Variants in KIFAP3 observed in about 807,000 individuals in gnomAD.
KIFAP3 encodes kinesin-associated protein 3.
KIFAP3 carries 68 observed loss-of-function variants against 106.5 expected under a neutral mutation model. That is an observed-to-expected ratio of 0.64 (90% confidence interval 0.53 to 0.78). KIFAP3 has a LOEUF of 0.78. KIFAP3 is among the 30% of genes least tolerant of loss of function. The pLI is 0.00. For synonymous variants in KIFAP3, 320 were observed against 311.5 expected, an observed-to-expected ratio of 1.03 and a Z score of -0.29; for missense variants, 780 against 941.8, an observed-to-expected ratio of 0.83 and a Z score of 2.25.
At chr1:170,047,744 C>T (rs1056226230) in intron 2 of KIFAP3, among the ~76,000 whole-genome samples, 1 of 151,894 alleles carries the variant, frequency 6.6e-6, no homozygotes, top group African/African-American at 2.4e-5. Flanking sequence ...TAGCCAACAC[C>T]TCCCTCCTTT....
rs1665974057 is a variant in KIFAP3 at position 169,972,523 on chromosome 1, T to G, written c.1973A>C (p.Asp658Ala). ...EIRKVCDNTL[D>A]IIAEYDEEWA... ...AAAATAATTACTTACCGCTATAATATCTAATGTATTATCACAGACCTTTCG... is the reference window on the plus strand; with the variant it reads ...AAAATAATTACTTACCGCTATAATAGCTAATGTATTATCACAGACCTTTCG... Residue 658 changes from aspartate to alanine, a missense_variant, in exon 17 of 20, where the codon GAT (aspartate) becomes GCT (alanine). Physicochemically the swap from Asp to Ala is moderately radical, Grantham distance 126. This residue lies in a region of KIFAP3 where 78 missense variants were observed against 140.6 expected (regional missense o/e 0.55). Transcript: ENST00000361580. 1 of 1,407,034 alleles carries G rather than the reference T, an allele frequency of 7.1e-7. No individual in the cohort carries two copies. Among genetic ancestry groups the G allele is most frequent in the Non-Finnish European group, 1.0e-6 (1 of 996,880 alleles). 87.2% of individuals were successfully genotyped at this position (1,407,034 alleles called of 1,614,324 possible).
intron 1 of KIFAP3, among the ~76,000 whole-genome samples, chr1:170,062,480 G>C (rs1479471650): frequency 1.3e-5 from 2 of 152,148 alleles, no homozygotes; most frequent in East Asian, 3.9e-4. Context: ...ATTCCAGTTA[G>C]ACTTTGGCTC....
intron 8 of KIFAP3, among the ~76,000 whole-genome samples, chr1:170,026,971 A>T (rs1557847188): frequency 6.6e-6 from 1 of 152,058 alleles, no homozygotes; most frequent in Non-Finnish European, 1.5e-5. Flanking sequence ...TTTTAGGAAT[A>T]AAAAAGTCCA....
intron 3 of KIFAP3, among the ~76,000 whole-genome samples, chr1:170,040,791 TATGTGATTAGAAGCAATC>T (rs71765257): frequency 0.063 from 9,512 of 152,018 alleles, 378 homozygotes; most frequent in Non-Finnish European, 0.095. Flanking sequence ...GAATGCCAAC[TATGTGATTAGAAGCAATC>T]ATGTTCAAAA....
intron 10 of KIFAP3, among the ~76,000 whole-genome samples, chr1:170,013,331 A>T (rs1012142717): frequency 6.6e-6 from 1 of 152,072 alleles, no homozygotes; most frequent in Non-Finnish European, 1.5e-5. Context: ...CTTTCTAGAT[A>T]TCTAGTGTTT....
intron 9 of KIFAP3, among the ~76,000 whole-genome samples, chr1:170,021,113 CT>C (rs1317372215): frequency 6.6e-6 from 1 of 152,094 alleles, no homozygotes; most frequent in African/African-American, 2.4e-5. Flanking sequence ...ACAGGAAGAA[CT>C]CTCAAAAGTT....
intron 3 of KIFAP3, chr1:170,041,672 C>G (rs761568552): frequency 5.2e-6 from 8 of 1,534,028 alleles, no homozygotes; most frequent in South Asian, 2.4e-5. Context: ...CAAGGCATTA[C>G]CGACCTTCAC....
intron 11 of KIFAP3, among the ~76,000 whole-genome samples, chr1:169,985,842 C>T (rs1016778876): frequency 1.3e-5 from 2 of 151,960 alleles, no homozygotes; most frequent in South Asian, 4.1e-4. Flanking sequence ...GGTAGGCTAC[C>T]TATGCCATTT....
Position 169,984,710 on chromosome 1 carries a change from A to G in KIFAP3, c.1285-20T>C, listed in dbSNP as rs1253260164. On this transcript the variant is annotated intron_variant, in intron 11 of 19. Transcript: ENST00000361580. ...CATTAACTAGCAAGAAGCACAGGGC[A>G]CATTTTACTCAAGAAACAAAGACAA... 7.4e-7 allele frequency: 1 copy of G among 1,349,094 alleles called. No homozygotes were observed. Among genetic ancestry groups the G allele is most frequent in the South Asian group, 1.2e-5 (1 of 81,434 alleles). 83.6% of individuals were successfully genotyped at this position (1,349,094 alleles called of 1,614,324 possible). A position where few individuals can be genotyped will look rare whatever the true frequency, so the allele number is the denominator to read the frequency against.
intron 2 of KIFAP3, 112 bp from the exon 3 acceptor site, chr1:170,046,978 G>C (rs1670292523): frequency 1.9e-6 from 1 of 536,840 alleles, no homozygotes; most frequent in South Asian, 6.8e-5. Flanking sequence ...CCTGGCCATA[G>C]ACTCTTAGTA....
At chr1:170,004,917 G>C (rs1667867299) in intron 10 of KIFAP3, among the ~76,000 whole-genome samples, 1 of 151,826 alleles carries the variant, frequency 6.6e-6, no homozygotes, top group African/African-American at 2.4e-5. Context: ...AGAGTGAACA[G>C]GCAACCTACA....
At chr1:170,067,027 G>C (rs781582474) in intron 1 of KIFAP3, among the ~76,000 whole-genome samples, 3 of 151,758 alleles carry the variant, frequency 2.0e-5, no homozygotes, top group African/African-American at 2.4e-5. Flanking sequence ...TAAATTTCTA[G>C]AATTAAAAAT....
intron 19 of KIFAP3, among the ~76,000 whole-genome samples, chr1:169,937,779 A>C (rs543176616): frequency 2.0e-4 from 31 of 151,884 alleles, no homozygotes; most frequent in Middle Eastern, 3.4e-3. Flanking sequence ...ACAGCAGTAA[A>C]AATTCTTAAT....
intron 19 of KIFAP3, among the ~76,000 whole-genome samples, chr1:169,927,319 G>C (rs1354788258): frequency 6.6e-6 from 1 of 152,052 alleles, no homozygotes; most frequent in African/African-American, 2.4e-5. Context: ...CACCTAACAT[G>C]GAAGAAATAT....
intron 1 of KIFAP3, among the ~76,000 whole-genome samples, chr1:170,062,313 T>TGATATTCATC (rs1316642892): frequency 6.6e-6 from 1 of 151,802 alleles, no homozygotes; most frequent in East Asian, 1.9e-4. Flanking sequence ...CACTGTTGCT[T>TGATATTCATC]AACACCTTGA....
chr1:169,977,694 A>G (rs2101900681), intron 16 of KIFAP3, among the ~76,000 whole-genome samples: 1 of 152,292 alleles, frequency 6.6e-6, no homozygotes, highest in South Asian at 2.1e-4. Context: ...TGAAGATTAA[A>G]TAGTTAGCAT....
At chr1:170,049,117 T>C (rs1044713839) in intron 2 of KIFAP3, among the ~76,000 whole-genome samples, 1 of 152,154 alleles carries the variant, frequency 6.6e-6, no homozygotes, top group Non-Finnish European at 1.5e-5. Context: ...GGAGTTGATC[T>C]GGGATGATCG....
intron 3 of KIFAP3, chr1:170,041,602 G>T: frequency 8.2e-7 from 1 of 1,213,442 alleles, no homozygotes; most frequent in Non-Finnish European, 1.2e-6. Flanking sequence ...CCGGAGATGA[G>T]TCCAAGTGGC....
chr1:169,966,154 C>T (rs562376857), intron 17 of KIFAP3, among the ~76,000 whole-genome samples: 11 of 151,870 alleles, frequency 7.2e-5, no homozygotes, highest in Admixed American at 2.0e-4. Context: ...TTAATCTCTA[C>T]GACTAACATA....
Sources: allele counts gnomAD v4.1 joint callset (sites outside exome capture counted in the v4.1 genomes callset), GRCh38; gene constraint gnomAD v4.1.1; regional missense constraint gnomAD v4.1.1; transcripts MANE v1.5; gene names NCBI Gene and HGNC (gene_info 2026-07-23, HGNC 2026-07-21).